DLEU7: variants seen among roughly 807,000 people sequenced by gnomAD.
DLEU7 encodes the protein deleted in lymphocytic leukemia 7, also known as leukemia-associated protein 7.
A neutral mutation model predicts 16.0 loss-of-function variants in DLEU7; 17 were observed. That is an observed-to-expected ratio of 1.06 (90% CI 0.73 to 1.59). The LOEUF (loss-of-function observed/expected upper bound fraction) is 1.59, where lower values mean the gene tolerates loss of function less well. DLEU7 is among the 40% of genes most tolerant of loss of function. DLEU7 has a pLI of 0.00. For synonymous variants in DLEU7, 113 were observed against 139.8 expected (o/e 0.81, Z 1.35); for missense variants, 308 against 314.9 (o/e 0.98, Z 0.17).
chr13:50,782,797 A>T (rs910645637), intron 1 of DLEU7, among the ~76,000 whole-genome samples: 1 of 150,130 alleles, frequency 6.7e-6, no homozygotes, highest in African/African-American at 2.4e-5. Context: ...AAAACTCTTC[A>T]GGATAACTTC....
intron 1 of DLEU7, among the ~76,000 whole-genome samples, chr13:50,835,184 A>G (rs2137813179): frequency 6.6e-6 from 1 of 152,162 alleles, no homozygotes; most frequent in Non-Finnish European, 1.5e-5. Context: ...AAAGTATAAT[A>G]AAAAAAATTA....
intron 1 of DLEU7, among the ~76,000 whole-genome samples, chr13:50,778,266 A>G (rs757416203): frequency 6.6e-6 from 1 of 152,190 alleles, no homozygotes; most frequent in East Asian, 1.9e-4. Context: ...GTGAGAACTC[A>G]TTCACTATCA....
At chr13:50,748,228 C>CTTTTTTTTTTTTTTT (rs71085044) in intron 1 of DLEU7, among the ~76,000 whole-genome samples, 22 of 89,252 alleles carry the variant, frequency 2.5e-4, no homozygotes, top group East Asian at 3.9e-4. Flanking sequence ...ACTCCTTAAA[C>CTTTTTTTTTTTTTTT]TTTTTTTTTT....
chr13:50,740,349 C>T (rs188883302), intron 1 of DLEU7, among the ~76,000 whole-genome samples: 2 of 152,238 alleles, frequency 1.3e-5, no homozygotes, highest in African/African-American at 4.8e-5. Context: ...CATGTCCACA[C>T]AAAGACTTAC....
chr13:50,750,925 ACTT>A (rs1445998956), intron 1 of DLEU7, among the ~76,000 whole-genome samples: 1 of 152,146 alleles, frequency 6.6e-6, no homozygotes, highest in African/African-American at 2.4e-5. Flanking sequence ...GATGCCCTTT[ACTT>A]CTTTCTCTTG....
intron 1 of DLEU7, among the ~76,000 whole-genome samples, chr13:50,768,755 G>A (rs1875199438): frequency 6.6e-6 from 1 of 152,216 alleles, no homozygotes; most frequent in South Asian, 2.1e-4. Flanking sequence ...ACGTGTGCAT[G>A]TGTCTTTATA....
At chr13:50,800,109 C>T (rs1057281033) in intron 1 of DLEU7, among the ~76,000 whole-genome samples, 2 of 152,102 alleles carry the variant, frequency 1.3e-5, no homozygotes, top group East Asian at 1.9e-4. Context: ...GGGTACGATG[C>T]CTCTGCTGAG....
At chr13:50,818,258 A>G (rs1164614783), downstream of DLEU7, among the ~76,000 whole-genome samples, 2 of 152,126 alleles carry the variant, frequency 1.3e-5, no homozygotes, top group African/African-American at 4.8e-5. Context: ...ACTACATGGG[A>G]AAATTGAGGA....
intron 1 of DLEU7, among the ~76,000 whole-genome samples, chr13:50,813,634 G>A (rs917279891): frequency 3.3e-5 from 5 of 152,074 alleles, no homozygotes; most frequent in Admixed American, 1.3e-4. Flanking sequence ...CTGAGCTTCC[G>A]TATTTCATGG....
chr13:50,738,856 G>A (rs763551828), intron 1 of DLEU7, among the ~76,000 whole-genome samples: 3 of 152,012 alleles, frequency 2.0e-5, no homozygotes, highest in African/African-American at 7.2e-5. Flanking sequence ...ATAAGCTTAA[G>A]CTGAAAATTC....
chr13:50,736,217 T>C (rs987761802), intron 1 of DLEU7, among the ~76,000 whole-genome samples: 1 of 152,096 alleles, frequency 6.6e-6, no homozygotes, highest in Non-Finnish European at 1.5e-5. Flanking sequence ...TTCAGGAACA[T>C]GGAGGTCATC....
At chr13:50,783,426 C>T (rs1875710903) in intron 1 of DLEU7, among the ~76,000 whole-genome samples, 1 of 152,198 alleles carries the variant, frequency 6.6e-6, no homozygotes, top group South Asian at 2.1e-4. Context: ...TACACAGAGT[C>T]CACCCTCTGG....
rs1873762322 is a variant in DLEU7, at chr13:50,726,377, C to G, written c.460-13137G>C. Among the ~76,000 whole-genome samples, 1 of 152,162 alleles carries G rather than the reference C, an allele frequency of 6.6e-6. No homozygotes were observed. Among genetic ancestry groups the G allele is most frequent in the African/African-American group, 2.4e-5 (1 of 41,434 alleles). On this transcript the variant is annotated intron_variant, in intron 1 of 1. Coordinates refer to the DLEU7 transcript ENST00000400393. This position sits in a 1 kb window ranked among gnomAD's most constrained non-coding sequence, Gnocchi z 4.0. ...CTTCAACAGCTTCTACCCAAATCCC[C>G]CTGGGAACCAGCCTGCAACAGCCAC...
intron 1 of DLEU7, among the ~76,000 whole-genome samples, chr13:50,835,175 A>G (rs1330963890): frequency 6.6e-6 from 1 of 152,122 alleles, no homozygotes; most frequent in African/African-American, 2.4e-5. Context: ...ACAGAACTTA[A>G]AGTATAATAA....
intron 1 of DLEU7, among the ~76,000 whole-genome samples, chr13:50,755,623 T>C (rs1026224408): frequency 1.3e-5 from 2 of 152,178 alleles, no homozygotes; most frequent in African/African-American, 2.4e-5. Context: ...TGTCCTTGCA[T>C]TGGGCTTCGC....
chr13:50,756,088 G>A (rs1284732319), intron 1 of DLEU7, among the ~76,000 whole-genome samples: 1 of 152,182 alleles, frequency 6.6e-6, no homozygotes, highest in African/African-American at 2.4e-5. Context: ...TCTCAGCCAC[G>A]GATACCAGCA....
chr13:50,830,246 T>C (rs1877218275), intron 1 of DLEU7, among the ~76,000 whole-genome samples: 1 of 152,256 alleles, frequency 6.6e-6, no homozygotes, highest in African/African-American at 2.4e-5. Context: ...CCAGTTGAGA[T>C]ACTCTCATGT....
At chr13:50,720,840 A>G (rs959172877) in intron 1 of DLEU7, among the ~76,000 whole-genome samples, 4 of 152,200 alleles carry the variant, frequency 2.6e-5, no homozygotes, top group Non-Finnish European at 4.4e-5. Context: ...GTAACTTAAT[A>G]TCAAAGACAG....
chr13:50,781,285 G>A (rs9526691), intron 1 of DLEU7, among the ~76,000 whole-genome samples: 4,728 of 152,224 alleles, frequency 0.031, 100 homozygotes, highest in Non-Finnish European at 0.049. Context: ...AAGTAGAAAG[G>A]AATGTTTAAA....
Sources: gnomAD v4.1 joint callset for allele counts (sites outside exome capture counted in the v4.1 genomes callset) on GRCh38, gnomAD v4.1.1 for gene constraint, Gnocchi (gnomAD v3.1) non-coding constraint, MANE v1.5 for transcripts, NCBI Gene and HGNC (gene_info 2026-07-23, HGNC 2026-07-21) for gene names.